Variants in CENPS observed in about 807,000 individuals in gnomAD.
The protein encoded by CENPS is FANCM associated histone fold protein 1.
In CENPS, 16 loss-of-function variants were observed where a neutral mutation model predicts 17.9. That is an observed-to-expected ratio of 0.90 (90% CI 0.61 to 1.36). CENPS has a LOEUF of 1.36. Among genes scored for constraint, CENPS ranks in the 40% most tolerant of loss-of-function variants. The pLI is 0.00. For missense variants in CENPS, 160 were observed against 158.6 expected, an observed-to-expected ratio of 1.01 and a Z score of -0.05; for synonymous variants, 49 against 55.8, an observed-to-expected ratio of 0.88 and a Z score of 0.54.
At chr1:10,431,158 G>A (rs945405908) in intron 1 of CENPS, 2 of 1,449,332 alleles carry the variant, frequency 1.4e-6, no homozygotes, top group African/African-American at 1.4e-5. Flanking sequence ...GGTAGCTGCG[G>A]GCATCCCATT....
chr1:10,442,223 A>C, intron 4 of CENPS, 42 bp from the exon 5 acceptor site: 1 of 1,543,798 alleles, frequency 6.5e-7, no homozygotes, highest in Non-Finnish European at 8.6e-7. Flanking sequence ...AGGTTTATAA[A>C]ATGGTTACAG....
chr1:10,432,332 G>A (rs1385025178), intron 1 of CENPS, among the ~76,000 whole-genome samples: 6 of 152,094 alleles, frequency 3.9e-5, no homozygotes, highest in South Asian at 2.1e-4. Flanking sequence ...TGATCTGCCC[G>A]CCTTGGCCTC....
In CENPS at chr1:10,430,537, C is replaced by A. The variant is rs1353501800; in HGVS notation, c.20C>A (p.Thr7Asn). 6.5e-7 allele frequency: 1 copy of A among 1,536,866 alleles called. No homozygotes were observed. The highest frequency in any genetic ancestry group is 8.8e-7 in the Non-Finnish European group (1 of 1,142,192). Residue 7 changes from threonine (T) to asparagine (N), a missense_variant, in exon 1 of 5, where the codon ACC becomes AAC. Coordinates refer to ENST00000309048, the MANE Select transcript of CENPS (RefSeq NM_199294.3). MEEEAETEEQQRFSYQQ... is the reference protein window; with the variant it reads MEEEAENEEQQRFSYQQ... ...GCAGTGATGGAGGAGGAGGCGGAGA[C>A]CGAGGAGCAGCAGCGATTCTCTTAC...
At chr1:10,441,694 C>T (rs1241198259) in intron 4 of CENPS, among the ~76,000 whole-genome samples, 14 of 136,898 alleles carry the variant, frequency 1.0e-4, no homozygotes, top group Non-Finnish European at 1.7e-4. Context: ...GGCGTGATCT[C>T]GGCTCACTGC....
intron 1 of CENPS, chr1:10,430,951 C>G (rs979697073): frequency 1.0e-5 from 13 of 1,251,536 alleles, no homozygotes; most frequent in African/African-American, 1.6e-5. Flanking sequence ...CGGTTCGGGC[C>G]GGAGCTCTGG....
chr1:10,438,464 T>C (rs1334539417), intron 3 of CENPS, among the ~76,000 whole-genome samples: 28 of 152,228 alleles, frequency 1.8e-4, no homozygotes, highest in Admixed American at 1.8e-3. Flanking sequence ...AATTTCTTTA[T>C]TTAGCTTTGA....
intron 1 of CENPS, chr1:10,431,301 A>G (rs1001668937): frequency 1.0e-4 from 155 of 1,535,126 alleles, no homozygotes; most frequent in Non-Finnish European, 1.3e-4. Context: ...TGAGCTCCAG[A>G]CGCGGGAGTT....
At chr1:10,432,658 A>G (rs522280) in intron 1 of CENPS, among the ~76,000 whole-genome samples, 87,052 of 151,688 alleles carry the variant, frequency 0.57, 26,136 homozygotes, top group African/African-American at 0.76. Context: ...GAGGAGGAAG[A>G]TCTGAGAAAA....
At chr1:10,437,758 ATTTTTT>A (rs59257602) in intron 3 of CENPS, among the ~76,000 whole-genome samples, 1 of 123,192 alleles carries the variant, frequency 8.1e-6, no homozygotes, top group African/African-American at 3.2e-5. Context: ...TGCCTGGCCA[ATTTTTT>A]TTTTTTTTTT....
At chr1:10,441,922 A>G (rs1640432603) in intron 4 of CENPS, among the ~76,000 whole-genome samples, 1 of 151,662 alleles carries the variant, frequency 6.6e-6, no homozygotes, top group South Asian at 2.1e-4. Flanking sequence ...ACCGCACCCG[A>G]CCTCTGGCCA....
chr1:10,431,062 T>C, intron 1 of CENPS: 1 of 1,363,726 alleles, frequency 7.3e-7, no homozygotes, highest in South Asian at 1.6e-5. Flanking sequence ...TTCGAATCTC[T>C]GCCCCGCCAA....
intron 1 of CENPS, chr1:10,430,980 G>A: frequency 7.9e-7 from 1 of 1,267,710 alleles, no homozygotes; most frequent in Non-Finnish European, 1.0e-6. Context: ...CCCTGGAGGC[G>A]TCGACCCCTC....
At chr1:10,435,164 A>G (rs1166484727) in intron 3 of CENPS, among the ~76,000 whole-genome samples, 1 of 151,838 alleles carries the variant, frequency 6.6e-6, no homozygotes, top group Non-Finnish European at 1.5e-5. Flanking sequence ...AGTAAGACGC[A>G]CTCCTTGGAA....
rs1157968636 is a variant in CENPS at position 10,431,414 on chromosome 1, CA to C, written c.51+847del. ...TTGCAAGAACACGGTACAGAATGCCCAGATGCCCGTCACCTTGATTCACCAC... is the reference window on the plus strand; with the variant it reads ...TTGCAAGAACACGGTACAGAATGCCCGATGCCCGTCACCTTGATTCACCAC... On this transcript the variant is annotated intron_variant, in intron 1 of 4. Coordinates refer to ENST00000309048, the MANE Select transcript of CENPS (RefSeq NM_199294.3). The C allele has an allele frequency of 2.0e-6, 3 of 1,535,038 alleles. No individual in the cohort carries two copies. In the African/African-American group the frequency reaches 4.1e-5, roughly 21 times the overall value.
At chr1:10,441,583 G>A (rs1443364221) in intron 4 of CENPS, among the ~76,000 whole-genome samples, 1 of 149,624 alleles carries the variant, frequency 6.7e-6, no homozygotes, top group Non-Finnish European at 1.5e-5. Flanking sequence ...CAAAGTGCTG[G>A]GATTCCAGGC....
intron 1 of CENPS, 63 bp from the exon 2 acceptor site, chr1:10,433,779 T>G: frequency 6.2e-7 from 1 of 1,605,836 alleles, no homozygotes; most frequent in Non-Finnish European, 8.5e-7. Flanking sequence ...TCTTCATTTT[T>G]TAAGGCGTGA....
At chr1:10,440,511 T>G in intron 4 of CENPS, 98 bp downstream of exon 4, 1 of 1,500,008 alleles carries the variant, frequency 6.7e-7, no homozygotes, top group Non-Finnish European at 9.0e-7. Flanking sequence ...CAGGGCACCT[T>G]GCATTAGAAA....
intron 3 of CENPS, among the ~76,000 whole-genome samples, chr1:10,435,305 G>A (rs1045138529): frequency 6.6e-6 from 1 of 152,132 alleles, no homozygotes; most frequent in Non-Finnish European, 1.5e-5. Context: ...TTTGAATGAC[G>A]AAGGCCTGAA....
In CENPS at chr1:10,431,550, C is replaced by T. The variant is rs780896040; in HGVS notation, c.51+982C>T. The T allele has an allele frequency of 3.5e-4, 390 of 1,099,102 alleles. 1 individual carries two copies. The highest frequency in any genetic ancestry group is 6.0e-4 in the East Asian group (22 of 36,626). The allele number at this position is 1,099,102 out of a possible 1,614,324, so 68.1% of individuals were successfully genotyped here. A position where few individuals can be genotyped will look rare whatever the true frequency, so the allele number is the denominator to read the frequency against. On this transcript the variant is annotated intron_variant, in intron 1 of 4. Transcript: ENST00000309048. ...GCCTTTACATTTTAATTCTTTAGTA[C>T]ACATCTCCCAAAAACAAGGCATTGG...
Sources: allele counts gnomAD v4.1 joint callset (sites outside exome capture counted in the v4.1 genomes callset), GRCh38; gene constraint gnomAD v4.1.1; transcripts MANE v1.5; gene names NCBI Gene and HGNC (gene_info 2026-07-23, HGNC 2026-07-21).